XRCC4: variants seen among roughly 807,000 people sequenced by gnomAD.
XRCC4 encodes X-ray repair cross complementing 4, also known as DNA repair protein XRCC4.
Under a neutral mutation model 39.1 loss-of-function variants are expected in XRCC4, and 28 were observed. The ratio of observed to expected loss-of-function variants is 0.72; its 90% CI spans 0.53 to 0.98. XRCC4 has a LOEUF of 0.98. XRCC4 is among the 50% of genes least tolerant of loss of function. The probability of loss-of-function intolerance (pLI) is 0.00; values close to 1 mark genes in which losing one functional copy is unlikely to be tolerated. For synonymous variants in XRCC4, 123 were observed against 126.4 expected (o/e 0.97, Z 0.18); for missense variants, 350 against 376.4 (o/e 0.93, Z 0.58).
intron 7 of XRCC4, among the ~76,000 whole-genome samples, chr5:83,267,360 T>C (rs144724481): frequency 9.9e-5 from 15 of 152,284 alleles, no homozygotes; most frequent in African/African-American, 3.6e-4. Flanking sequence ...CAGAACTCCT[T>C]TCCACCACCT....
At chr5:83,262,504 A>G (rs903540301) in intron 7 of XRCC4, among the ~76,000 whole-genome samples, 1 of 152,108 alleles carries the variant, frequency 6.6e-6, no homozygotes, top group African/African-American at 2.4e-5. Context: ...ATATACAGAG[A>G]GAAATGACTT....
intron 3 of XRCC4, among the ~76,000 whole-genome samples, chr5:83,171,037 C>A (rs1749697979): frequency 6.6e-6 from 1 of 152,118 alleles, no homozygotes; most frequent in Admixed American, 6.5e-5. Flanking sequence ...TCTCCAGTGC[C>A]GGTCTTTCCC....
intron 3 of XRCC4, among the ~76,000 whole-genome samples, chr5:83,166,881 G>A (rs1749505867): frequency 6.6e-6 from 1 of 151,476 alleles, no homozygotes. Flanking sequence ...GTGGGTTTTG[G>A]GTTTTTTGTT....
chr5:83,287,621 C>T (rs956164097), intron 7 of XRCC4, among the ~76,000 whole-genome samples: 2 of 151,852 alleles, frequency 1.3e-5, no homozygotes, highest in African/African-American at 4.8e-5. Context: ...TGGACTTGCT[C>T]TCAATGTTTT....
At chr5:83,342,917 T>C (rs557254537) in intron 7 of XRCC4, among the ~76,000 whole-genome samples, 1 of 152,314 alleles carries the variant, frequency 6.6e-6, no homozygotes, top group East Asian at 1.9e-4. Flanking sequence ...ATTGAGTTTA[T>C]TTCATAATGG....
chr5:83,148,207 G>A (rs1748548250), intron 3 of XRCC4, among the ~76,000 whole-genome samples: 1 of 152,138 alleles, frequency 6.6e-6, no homozygotes, highest in African/African-American at 2.4e-5. Flanking sequence ...TTTAAAATGA[G>A]ATTAGTATAT....
At chr5:83,086,658 C>T (rs1360865983) in intron 1 of XRCC4, among the ~76,000 whole-genome samples, 3 of 152,064 alleles carry the variant, frequency 2.0e-5, no homozygotes, top group Non-Finnish European at 4.4e-5. Context: ...GAGGTGGACA[C>T]AGTTGGTGTA....
chr5:83,182,528 C>G (rs1467998389), intron 3 of XRCC4, among the ~76,000 whole-genome samples: 1 of 152,170 alleles, frequency 6.6e-6, no homozygotes, highest in South Asian at 2.1e-4. Context: ...GTAATCTATA[C>G]AAATCCCTTC....
chr5:83,275,284 T>G (rs904427949), intron 7 of XRCC4, among the ~76,000 whole-genome samples: 4 of 151,314 alleles, frequency 2.6e-5, no homozygotes, highest in Non-Finnish European at 5.9e-5. Flanking sequence ...GGTTCTGTTT[T>G]GGCTAGGTTA....
At chr5:83,147,649 A>G (rs1748519657) in intron 3 of XRCC4, among the ~76,000 whole-genome samples, 1 of 151,506 alleles carries the variant, frequency 6.6e-6, no homozygotes, top group African/African-American at 2.4e-5. Context: ...CACAGGGACT[A>G]TAGAAATAAC....
intron 3 of XRCC4, among the ~76,000 whole-genome samples, chr5:83,193,131 T>A (rs1363997038): frequency 1.3e-5 from 2 of 152,190 alleles, no homozygotes; most frequent in Non-Finnish European, 2.9e-5. Context: ...GAGGCCCTTT[T>A]TGAAGTCCAG....
At chr5:83,264,917 C>T (rs1753902879) in intron 7 of XRCC4, among the ~76,000 whole-genome samples, 1 of 152,048 alleles carries the variant, frequency 6.6e-6, no homozygotes, top group Non-Finnish European at 1.5e-5. Context: ...CAGAATTTCT[C>T]CAGGAAGGCT....
At chr5:83,347,490 G>T (rs1286824964) in intron 7 of XRCC4, among the ~76,000 whole-genome samples, 1 of 152,114 alleles carries the variant, frequency 6.6e-6, no homozygotes, top group African/African-American at 2.4e-5. Context: ...GAGAGCAAAA[G>T]GGGAAGTGCT....
intron 6 of XRCC4, among the ~76,000 whole-genome samples, chr5:83,248,343 T>C (rs985317548): frequency 6.6e-6 from 1 of 152,204 alleles, no homozygotes; most frequent in Non-Finnish European, 1.5e-5. Context: ...TTCTCCTAGA[T>C]GTTTTAATGA....
chr5:83,340,664 T>C (rs1447715279), intron 7 of XRCC4, among the ~76,000 whole-genome samples: 1 of 151,160 alleles, frequency 6.6e-6, no homozygotes, highest in Non-Finnish European at 1.5e-5. Flanking sequence ...CACTAGTGCC[T>C]CCAGAGAAGT....
chr5:83,176,628 A>T (rs1051437477), intron 3 of XRCC4, among the ~76,000 whole-genome samples: 6 of 145,744 alleles, frequency 4.1e-5, no homozygotes, highest in Non-Finnish European at 7.5e-5. Flanking sequence ...AAGTATTGGA[A>T]TTTTTTTTTT....
chr5:83,255,640 G>A (rs1393715356), intron 6 of XRCC4, among the ~76,000 whole-genome samples: 1 of 151,968 alleles, frequency 6.6e-6, no homozygotes, highest in African/African-American at 2.4e-5. Context: ...ATTAAATTTT[G>A]CCACACATAC....
chr5:83,250,191 T>C (rs1753254499), intron 6 of XRCC4, among the ~76,000 whole-genome samples: 1 of 152,192 alleles, frequency 6.6e-6, no homozygotes, highest in South Asian at 2.1e-4. Context: ...TGAGAACTTA[T>C]TAACCATTTA....
chr5:83,178,562 C>T (rs1750065335), intron 3 of XRCC4, among the ~76,000 whole-genome samples: 1 of 151,998 alleles, frequency 6.6e-6, no homozygotes, highest in Non-Finnish European at 1.5e-5. Context: ...AAAACCGTGA[C>T]ATGTCTGTTG....
Sources: gnomAD v4.1 joint callset for allele counts (sites outside exome capture counted in the v4.1 genomes callset) on GRCh38, gnomAD v4.1.1 for gene constraint, MANE v1.5 for transcripts, NCBI Gene and HGNC (gene_info 2026-07-23, HGNC 2026-07-21) for gene names.